The following TSHZ2 variants were observed in gnomAD, a reference collection of about 807,000 sequenced individuals.
TSHZ2 encodes teashirt zinc finger homeobox 2, also known as teashirt homolog 2.
A neutral mutation model predicts 74.4 loss-of-function variants in TSHZ2; 21 were observed. That is an observed-to-expected ratio of 0.28 (90% confidence interval 0.20 to 0.41). TSHZ2 has a LOEUF of 0.41. Among genes scored for constraint, TSHZ2 ranks in the 10% least tolerant of loss-of-function variants. The pLI, the probability that TSHZ2 is intolerant of heterozygous loss-of-function variation, is 1.00. For missense variants in TSHZ2, 1,244 were observed against 1,293.5 expected, an observed-to-expected ratio of 0.96 and a Z score of 0.59; for synonymous variants, 540 against 515.3, an observed-to-expected ratio of 1.05 and a Z score of -0.65.
intron 2 of TSHZ2, among the ~76,000 whole-genome samples, chr20:53,369,807 G>T (rs1981403400): frequency 6.6e-6 from 1 of 152,122 alleles, no homozygotes; most frequent in Non-Finnish European, 1.5e-5. Flanking sequence ...TAGAAGAAAG[G>T]CAATGAGGTT....
At chr20:53,250,932 T>C (rs1990313948) in intron 1 of TSHZ2, among the ~76,000 whole-genome samples, 1 of 151,078 alleles carries the variant, frequency 6.6e-6, no homozygotes, top group East Asian at 1.9e-4. Context: ...TGTGTGTGTA[T>C]GCACAGGTGC....
At chr20:53,099,677 C>A (rs1413510901) in intron 1 of TSHZ2, among the ~76,000 whole-genome samples, 1 of 152,110 alleles carries the variant, frequency 6.6e-6, no homozygotes, top group East Asian at 1.9e-4. Flanking sequence ...TACATGGCAG[C>A]CGGCAAGAAA....
At chr20:53,000,399 C>A (rs1363504843) in intron 1 of TSHZ2, among the ~76,000 whole-genome samples, 2 of 152,018 alleles carry the variant, frequency 1.3e-5, no homozygotes, top group African/African-American at 4.8e-5. Context: ...ATGTGTAGGA[C>A]AGTCATATGA....
chr20:53,444,239 C>A (rs959210294), intron 2 of TSHZ2, among the ~76,000 whole-genome samples: 5 of 152,170 alleles, frequency 3.3e-5, no homozygotes, highest in Admixed American at 1.3e-4. Flanking sequence ...GGTTCTCTGT[C>A]GCACATTCTA....
chr20:53,185,081 C>T (rs1490751823), intron 1 of TSHZ2, among the ~76,000 whole-genome samples: 7 of 152,150 alleles, frequency 4.6e-5, no homozygotes, highest in African/African-American at 7.2e-5. Flanking sequence ...TTCAGGAACA[C>T]GTGTTTTATC....
chr20:53,375,256 C>T (rs1012090711), intron 2 of TSHZ2, among the ~76,000 whole-genome samples: 1 of 152,110 alleles, frequency 6.6e-6, no homozygotes, highest in African/African-American at 2.4e-5. Flanking sequence ...GATTGAAAAA[C>T]ACAAAATTAT....
At chr20:53,004,125 G>A (rs1007118712) in intron 1 of TSHZ2, among the ~76,000 whole-genome samples, 2 of 151,740 alleles carry the variant, frequency 1.3e-5, no homozygotes, top group African/African-American at 4.9e-5. Flanking sequence ...CCTGAGCATG[G>A]AACACGCACC....
chr20:53,031,316 C>T (rs190652950), intron 1 of TSHZ2, among the ~76,000 whole-genome samples: 1 of 152,170 alleles, frequency 6.6e-6, no homozygotes, highest in African/African-American at 2.4e-5. Context: ...GAGTTAACAA[C>T]ATTCAGCCTT....
intron 2 of TSHZ2, among the ~76,000 whole-genome samples, chr20:53,379,855 A>C (rs930462634): frequency 1.3e-5 from 2 of 152,168 alleles, no homozygotes; most frequent in Admixed American, 1.3e-4. Context: ...TCTTCCAAAG[A>C]CTTTATGATC....
At chr20:53,028,935 A>G (rs1024729998) in intron 1 of TSHZ2, among the ~76,000 whole-genome samples, 4 of 152,218 alleles carry the variant, frequency 2.6e-5, no homozygotes, top group African/African-American at 2.4e-5. Flanking sequence ...GGCTTTTATA[A>G]CAGACACAGC....
At chr20:52,997,224 C>T (rs1040631690) in intron 1 of TSHZ2, among the ~76,000 whole-genome samples, 13 of 151,226 alleles carry the variant, frequency 8.6e-5, no homozygotes, top group African/African-American at 2.7e-4. Context: ...CGCCTCCCAG[C>T]TTCATCTGCC....
intron 2 of TSHZ2, among the ~76,000 whole-genome samples, chr20:53,271,962 A>G (rs959283494): frequency 1.3e-5 from 2 of 152,064 alleles, no homozygotes; most frequent in Non-Finnish European, 2.9e-5. Flanking sequence ...ATATTGGAGC[A>G]TTGTTTCCAT....
chr20:53,237,973 C>G (rs576207720), intron 1 of TSHZ2, among the ~76,000 whole-genome samples: 19 of 152,202 alleles, frequency 1.2e-4, no homozygotes, highest in Non-Finnish European at 2.5e-4. Context: ...TAGACTTGCT[C>G]TATGAAAAAA....
chr20:53,339,063 C>T (rs1342862103), intron 2 of TSHZ2, among the ~76,000 whole-genome samples: 2 of 152,204 alleles, frequency 1.3e-5, no homozygotes, highest in Non-Finnish European at 2.9e-5. Context: ...AAGAATTAAG[C>T]TCAGCATTGT....
intron 1 of TSHZ2, among the ~76,000 whole-genome samples, chr20:53,151,029 C>T (rs928509869): frequency 2.6e-5 from 4 of 152,188 alleles, no homozygotes; most frequent in Non-Finnish European, 5.9e-5. Context: ...TTAAATGTTA[C>T]CTTTCCCATT....
At chr20:53,269,734 A>G (rs934644356) in intron 2 of TSHZ2, among the ~76,000 whole-genome samples, 2 of 152,132 alleles carry the variant, frequency 1.3e-5, no homozygotes, top group Non-Finnish European at 2.9e-5. Context: ...CCAGCATGGC[A>G]CATGTATACA....
Position 53,255,146 on chromosome 20 carries a change from A to G in TSHZ2, c.1688A>G (p.Gln563Arg), listed in dbSNP as rs1990436738. 2 of 1,614,052 alleles carry G rather than the reference A, an allele frequency of 1.2e-6. No homozygotes were observed. Among genetic ancestry groups the G allele is most frequent in the South Asian group, 1.1e-5 (1 of 91,078 alleles). ...GTKPPLPMGS[Q>R]VLQIRPNLTN... ...AAGCCGCCTTTGCCTATGGGATCCCAGGTACTGCAGATCCGGCCTAATCTC... is the reference window on the plus strand; with the variant it reads ...AAGCCGCCTTTGCCTATGGGATCCCGGGTACTGCAGATCCGGCCTAATCTC... Residue 563 changes from glutamine to arginine, a missense_variant, in exon 2 of 3, where the codon CAG (glutamine) becomes CGG (arginine). Gln to Arg is a conservative substitution (Grantham distance 43). This residue lies in a region of TSHZ2 where 562 missense variants were observed against 544.0 expected (regional missense o/e 1.03). Coordinates refer to ENST00000371497, the MANE Select transcript of TSHZ2 (RefSeq NM_173485.6). This position sits in a 1 kb window ranked among gnomAD's most constrained non-coding sequence, Gnocchi z 4.1.
Position 53,035,609 on chromosome 20 carries a change from T to C in TSHZ2, c.40+62276T>C, listed in dbSNP as rs545744681. The stretch of plus-strand genomic sequence containing the variant: ...GAATATAATAGGATGCCATGATCTA[T>C]TGATTTATTTATTCAACTAGAATTT... On this transcript the variant is annotated intron_variant, in intron 1 of 2. Coordinates refer to ENST00000371497, the MANE Select transcript of TSHZ2 (RefSeq NM_173485.6). Among the ~76,000 whole-genome samples the C allele has an allele frequency of 1.1e-3, 175 of 152,294 alleles. 3 individuals are homozygous for C. The South Asian group carries it at 0.034, about 30-fold the overall frequency.
In TSHZ2 at chr20:53,493,420, A is replaced by C. The variant is rs1018016393; in HGVS notation, c.*6285A>C. The C allele has an allele frequency of 6.6e-6, 1 of 152,238 alleles. No individual in the cohort carries two copies. Among genetic ancestry groups the C allele is most frequent in the Non-Finnish European group, 1.5e-5 (1 of 68,038 alleles). 9.4% of individuals were successfully genotyped at this position (152,238 alleles called of 1,614,324 possible). A position where few individuals can be genotyped will look rare whatever the true frequency, so the allele number is the denominator to read the frequency against. On this transcript the variant is annotated 3_prime_UTR_variant, in exon 3 of 3. Transcript: ENST00000371497. ...CTTTACCCCCATGGGAAAACTGCAC[A>C]CTCATCCATGTAGAATTATTCTCTT...
Sources: gnomAD v4.1 joint callset for allele counts (sites outside exome capture counted in the v4.1 genomes callset) on GRCh38, gnomAD v4.1.1 for gene constraint, gnomAD v4.1.1 regional missense constraint, Gnocchi (gnomAD v3.1) non-coding constraint, MANE v1.5 for transcripts, NCBI Gene and HGNC (gene_info 2026-07-23, HGNC 2026-07-21) for gene names.